Variants in DOCK3 observed in about 807,000 individuals in gnomAD.
DOCK3 encodes dedicator of cytokinesis 3, also known as dedicator of cytokinesis protein 3.
A neutral mutation model predicts 265.6 loss-of-function variants in DOCK3; 60 were observed. The ratio of observed to expected loss-of-function variants is 0.23; its 90% CI spans 0.18 to 0.28. The LOEUF (loss-of-function observed/expected upper bound fraction) is 0.28, where lower values mean the gene tolerates loss of function less well. DOCK3 is among the 10% of genes least tolerant of loss of function. The probability of loss-of-function intolerance (pLI) is 1.00; values close to 1 mark genes in which losing one functional copy is unlikely to be tolerated. For missense variants in DOCK3, 1,981 were observed against 2,594.3 expected (o/e 0.76, Z 5.14); for synonymous variants, 881 against 938.0 (o/e 0.94, Z 1.11).
chr3:50,754,717 G>A (rs1317495962), intron 1 of DOCK3, among the ~76,000 whole-genome samples: 3 of 151,802 alleles, frequency 2.0e-5, no homozygotes, highest in African/African-American at 2.4e-5. Context: ...GCGCTACCAC[G>A]CCTGGTCAAT....
chr3:51,186,668 T>A (rs1056331151), intron 12 of DOCK3, among the ~76,000 whole-genome samples: 1 of 152,170 alleles, frequency 6.6e-6, no homozygotes, highest in Non-Finnish European at 1.5e-5. Flanking sequence ...TTCCCCACAC[T>A]GTGTGCAGCC....
chr3:50,693,408 T>G lies in DOCK3; in HGVS notation c.37+18108T>G, dbSNP rs1319898893. ...TTTAATTTCTTTTGGCAGTGTTTTGTAATTTTCAATATACAAATTTTTCAT... is the reference window on the plus strand; with the variant it reads ...TTTAATTTCTTTTGGCAGTGTTTTGGAATTTTCAATATACAAATTTTTCAT... On this transcript the variant is annotated intron_variant, in intron 1 of 52. Transcript: ENST00000266037. Among the ~76,000 whole-genome samples, 3 of 152,158 alleles carry G rather than the reference T, an allele frequency of 2.0e-5. No homozygotes were observed. The East Asian group carries it at 5.8e-4, about 29-fold the overall frequency.
chr3:50,998,475 A>G (rs1451159171), intron 5 of DOCK3, among the ~76,000 whole-genome samples: 1 of 152,192 alleles, frequency 6.6e-6, no homozygotes, highest in Non-Finnish European at 1.5e-5. Context: ...ATGAGTTGAT[A>G]CAATTTCTGG....
intron 3 of DOCK3, among the ~76,000 whole-genome samples, chr3:50,868,925 T>TTTTC (rs2047282006): frequency 6.8e-6 from 1 of 147,170 alleles, no homozygotes; most frequent in Admixed American, 6.7e-5. Flanking sequence ...TTTTTTTTTT[T>TTTTC]TGGTCTGACT....
chr3:51,275,215 C>T lies in DOCK3; in HGVS notation c.2676+9C>T. ...TCAAGACCAGCTCTCTGGTAGTGGC[C>T]CCACACCCACTCCACCCTGTTCAGC... On this transcript the variant is annotated intron_variant, in intron 25 of 52. Transcript: ENST00000266037. 1 of 1,613,672 alleles carries T rather than the reference C, an allele frequency of 6.2e-7. No individual in the cohort carries two copies. The highest frequency in any genetic ancestry group is 1.7e-4 in the Middle Eastern group (1 of 6,038).
At chr3:50,731,208 A>AT (rs1266286364) in intron 1 of DOCK3, among the ~76,000 whole-genome samples, 1 of 152,196 alleles carries the variant, frequency 6.6e-6, no homozygotes, top group East Asian at 1.9e-4. Context: ...TCAGCATTAT[A>AT]TAAAAAGGAT....
intron 5 of DOCK3, among the ~76,000 whole-genome samples, chr3:51,017,547 G>A (rs9860862): frequency 0.9 from 136,652 of 151,692 alleles, 61,799 homozygotes; most frequent in African/African-American, 0.95. Context: ...GTAGGTTTTG[G>A]CATGTTGTGT....
intron 2 of DOCK3, chr3:50,787,886 G>T: frequency 1.9e-6 from 2 of 1,065,480 alleles, no homozygotes; most frequent in South Asian, 1.3e-5. Flanking sequence ...TTCCCCTTTA[G>T]GTACATTTAA....
intron 12 of DOCK3, among the ~76,000 whole-genome samples, chr3:51,191,243 G>A (rs967161346): frequency 1.1e-4 from 16 of 152,076 alleles, no homozygotes; most frequent in African/African-American, 2.4e-4. Context: ...CACACTTCCC[G>A]CCTGTCCCCT....
intron 1 of DOCK3, among the ~76,000 whole-genome samples, chr3:50,777,671 T>C (rs1295201551): frequency 1.3e-5 from 2 of 152,172 alleles, no homozygotes; most frequent in African/African-American, 4.8e-5. Context: ...TTTTTATTTT[T>C]TGCAGCTGTT....
At chr3:50,873,194 A>G (rs2355700) in intron 3 of DOCK3, among the ~76,000 whole-genome samples, 35,354 of 152,070 alleles carry the variant, frequency 0.23, 5,058 homozygotes, top group East Asian at 0.39. Flanking sequence ...CCTTGATGTA[A>G]TACCTGGGTA....
chr3:50,695,517 C>A (rs1481731627), intron 1 of DOCK3, among the ~76,000 whole-genome samples: 1 of 152,200 alleles, frequency 6.6e-6, no homozygotes. Context: ...CTAACTGGAT[C>A]CAGCCCAATT....
intron 3 of DOCK3, among the ~76,000 whole-genome samples, chr3:50,888,808 A>G (rs1413915298): frequency 3.9e-5 from 6 of 152,316 alleles, no homozygotes; most frequent in African/African-American, 1.4e-4. Context: ...GGCTAGCCAT[A>G]TGTAGAAAGC....
intron 4 of DOCK3, among the ~76,000 whole-genome samples, chr3:50,898,351 T>G (rs934473303): frequency 6.6e-6 from 1 of 152,208 alleles, no homozygotes; most frequent in Non-Finnish European, 1.5e-5. Context: ...TTATTGGGTC[T>G]ATTGGATTCT....
intron 8 of DOCK3, among the ~76,000 whole-genome samples, chr3:51,089,584 C>A (rs1489141435): frequency 6.6e-6 from 1 of 152,042 alleles, no homozygotes; most frequent in South Asian, 2.1e-4. Flanking sequence ...GCATTGGGGT[C>A]ATAATGGCAT....
chr3:51,000,715 C>T (rs969944787), intron 5 of DOCK3, among the ~76,000 whole-genome samples: 8 of 152,104 alleles, frequency 5.3e-5, no homozygotes, highest in East Asian at 3.9e-4. Context: ...TGTAGTGGCG[C>T]GATCTTGGCT....
At chr3:51,325,356 G>A (rs1036023141) in intron 32 of DOCK3, among the ~76,000 whole-genome samples, 5 of 152,048 alleles carry the variant, frequency 3.3e-5, no homozygotes, top group African/African-American at 7.2e-5. Flanking sequence ...TCAAAACCGC[G>A]ATGAGATACC....
At chr3:51,292,222 A>G (rs1211290333) in intron 27 of DOCK3, among the ~76,000 whole-genome samples, 1 of 152,214 alleles carries the variant, frequency 6.6e-6, no homozygotes, top group Non-Finnish European at 1.5e-5. Context: ...GTTCAACACA[A>G]TACTAAGTAC....
intron 7 of DOCK3, among the ~76,000 whole-genome samples, chr3:51,077,138 A>T (rs1041683656): frequency 6.6e-6 from 1 of 152,182 alleles, no homozygotes; most frequent in Non-Finnish European, 1.5e-5. Flanking sequence ...ACAGCAATGG[A>T]CAAGAAATAC....
Sources: gnomAD v4.1 joint callset for allele counts (sites outside exome capture counted in the v4.1 genomes callset) on GRCh38, gnomAD v4.1.1 for gene constraint, MANE v1.5 for transcripts, NCBI Gene and HGNC (gene_info 2026-07-23, HGNC 2026-07-21) for gene names.